Variants in TRAP1 observed in about 807,000 individuals in gnomAD.
The protein encoded by TRAP1 is heat shock protein 75 kDa, mitochondrial.
TRAP1 carries 102 observed loss-of-function variants against 89.1 expected under a neutral mutation model. The observed-to-expected ratio is 1.15, with a 90% CI of 0.98 to 1.35. TRAP1 has a LOEUF of 1.35. Among genes scored for constraint, TRAP1 ranks in the 40% most tolerant of loss-of-function variants. TRAP1 has a pLI of 0.00. For synonymous variants in TRAP1, 508 were observed against 388.0 expected (o/e 1.31, Z -3.64); for missense variants, 1,256 against 945.3 (o/e 1.33, Z -4.31).
At chr16:3,710,235 T>C (rs2051510324) in intron 1 of TRAP1, 2 of 152,242 alleles carry the variant, frequency 1.3e-5, no homozygotes, top group Admixed American at 6.5e-5. Context: ...GGAAGACTAC[T>C]GGCCCCATAT....
chr16:3,706,505 G>A (rs1427931986), intron 1 of TRAP1, among the ~76,000 whole-genome samples: 1 of 146,800 alleles, frequency 6.8e-6, no homozygotes, highest in South Asian at 2.1e-4. Context: ...CTTTGACCAG[G>A]CTGAAGTGCA....
At chr16:3,697,049 G>A (rs1285911137) in intron 1 of TRAP1, among the ~76,000 whole-genome samples, 1 of 152,056 alleles carries the variant, frequency 6.6e-6, no homozygotes, top group Non-Finnish European at 1.5e-5. Context: ...TTGAAGCAGT[G>A]GTAGATACTG....
Position 3,671,631 on chromosome 16 carries a change from C to A in TRAP1, c.1235+91G>T, listed in dbSNP as rs115064695. On this transcript the variant is annotated intron_variant, in intron 11 of 17. Coordinates refer to ENST00000246957, the MANE Select transcript of TRAP1 (RefSeq NM_016292.3). ...TCCCCGACCACCTCTGCTCTCAGCT[C>A]CATGGGCCACGGCTAGGGCCCTCTG... is the stretch of plus-strand genomic sequence containing the variant. 9.2e-4 allele frequency: 1,317 copies of A among 1,425,292 alleles called. 16 individuals carry two copies. In the African/African-American group the frequency reaches 0.015, roughly 17 times the overall value. 88.3% of individuals were successfully genotyped at this position (1,425,292 alleles called of 1,614,324 possible). A position where few individuals can be genotyped will look rare whatever the true frequency, so the allele number is the denominator to read the frequency against.
At chr16:3,674,643 C>T (rs1248919527) in intron 8 of TRAP1, 149 bp from the exon 9 acceptor site, 1 of 929,876 alleles carries the variant, frequency 1.1e-6, no homozygotes, top group Non-Finnish European at 1.6e-6. Flanking sequence ...CCTCTCCAGC[C>T]CCACCGCTGG....
intron 2 of TRAP1, among the ~76,000 whole-genome samples, 178 bp downstream of exon 2, chr16:3,690,649 G>C (rs1009051815): frequency 2.0e-5 from 3 of 152,176 alleles, no homozygotes; most frequent in African/African-American, 7.2e-5. Context: ...CCCGACACTG[G>C]CAGAAGTCCC....
At chr16:3,701,996 G>C (rs2051371986) in intron 1 of TRAP1, among the ~76,000 whole-genome samples, 1 of 152,022 alleles carries the variant, frequency 6.6e-6, no homozygotes, top group Non-Finnish European at 1.5e-5. Context: ...GGATCACAAA[G>C]TCAGGAGTTC....
chr16:3,706,865 T>G (rs1343988360), intron 1 of TRAP1, among the ~76,000 whole-genome samples: 1 of 152,112 alleles, frequency 6.6e-6, no homozygotes, highest in Non-Finnish European at 1.5e-5. Context: ...GGACATGTTT[T>G]CATGTCTACA....
chr16:3,674,063 T>G (rs2050953046), intron 9 of TRAP1, among the ~76,000 whole-genome samples: 2 of 152,142 alleles, frequency 1.3e-5, no homozygotes. Context: ...ACCTCTGTGG[T>G]TACCCACCCA....
intron 16 of TRAP1, chr16:3,661,775 A>C (rs111672361): frequency 1.4e-4 from 66 of 487,156 alleles, no homozygotes; most frequent in African/African-American, 1.3e-3. Context: ...GGATGTGGCT[A>C]ACCTCCCAGG....
intron 1 of TRAP1, among the ~76,000 whole-genome samples, chr16:3,708,303 T>C (rs576972755): frequency 1.3e-5 from 2 of 151,984 alleles, no homozygotes; most frequent in Admixed American, 6.6e-5. Context: ...CTGGCCAACA[T>C]GGCAAAACCC....
At chr16:3,712,343 G>C (rs1013396723) in intron 1 of TRAP1, among the ~76,000 whole-genome samples, 4 of 124,644 alleles carry the variant, frequency 3.2e-5, no homozygotes, top group Non-Finnish European at 6.6e-5. Context: ...TTTGAGACAA[G>C]CAAGTATCAC....
In TRAP1 at chr16:3,710,879, A is replaced by ATATATATATT. The variant is rs71133652; in HGVS notation, c.88+6541_88+6542insAATATATATA. On this transcript the variant is annotated intron_variant, in intron 1 of 17. Transcript: ENST00000246957. ...TGTGTATATATATATATATATATAT[A>ATATATATATT]TTTTTTTTTTTGAGACACTGTCACT... is the stretch of plus-strand genomic sequence containing the variant. Among the ~76,000 whole-genome samples, 19 of 125,792 alleles carry ATATATATATT rather than the reference A, an allele frequency of 1.5e-4. No individual in the cohort carries two copies. The South Asian group carries it at 4.3e-3, about 28-fold the overall frequency. 82.5% of individuals were successfully genotyped at this position (125,792 alleles called of 152,430 possible). A position where few individuals can be genotyped will look rare whatever the true frequency, so the allele number is the denominator to read the frequency against.
intron 3 of TRAP1, among the ~76,000 whole-genome samples, chr16:3,687,875 A>AC (rs2051158284): frequency 6.6e-6 from 1 of 151,280 alleles, no homozygotes; most frequent in Non-Finnish European, 1.5e-5. Context: ...AAAAAAAAAA[A>AC]AACAAAAACC....
intron 1 of TRAP1, among the ~76,000 whole-genome samples, chr16:3,692,702 G>T (rs1017031270): frequency 2.1e-5 from 3 of 145,568 alleles, no homozygotes; most frequent in African/African-American, 7.6e-5. Context: ...GGGTTCAAGC[G>T]ATTCTCCTGC....
intron 13 of TRAP1, 154 bp downstream of exon 13, chr16:3,664,120 G>A (rs114728738): frequency 4.6e-5 from 35 of 767,500 alleles, no homozygotes; most frequent in Middle Eastern, 3.9e-4. Context: ...GGAAACAGCC[G>A]TCACAGTCGG....
chr16:3,716,099 C>T (rs1275931689), intron 1 of TRAP1, among the ~76,000 whole-genome samples: 2 of 152,108 alleles, frequency 1.3e-5, no homozygotes, highest in Non-Finnish European at 2.9e-5. Context: ...CTGATCTGCC[C>T]ACCTCAGGCT....
chr16:3,671,909 A>G (rs752637797), intron 10 of TRAP1, 118 bp from the exon 11 acceptor site: 183 of 1,050,050 alleles, frequency 1.7e-4, no homozygotes, highest in Non-Finnish European at 2.5e-4. Flanking sequence ...GTGTGCTAAG[A>G]GGGAAGCAGG....
chr16:3,668,600 T>C (rs563135400), intron 11 of TRAP1, among the ~76,000 whole-genome samples: 4 of 152,320 alleles, frequency 2.6e-5, no homozygotes, highest in Non-Finnish European at 5.9e-5. Context: ...TCAAAAGCTC[T>C]AATTTCGGCT....
chr16:3,660,552 A>C (rs1164712238), intron 16 of TRAP1: 2 of 152,158 alleles, frequency 1.3e-5, no homozygotes, highest in African/African-American at 2.4e-5. Context: ...AAACTAGTTA[A>C]AGTGACCTGG....
Sources: allele counts gnomAD v4.1 joint callset (sites outside exome capture counted in the v4.1 genomes callset), GRCh38; gene constraint gnomAD v4.1.1; transcripts MANE v1.5; gene names NCBI Gene and HGNC (gene_info 2026-07-23, HGNC 2026-07-21).